Variants in CCDC60 observed in about 807,000 individuals in gnomAD.
The protein encoded by CCDC60 is coiled-coil domain-containing protein 60.
In CCDC60, 54 loss-of-function variants were observed where a neutral mutation model predicts 63.5. The observed-to-expected ratio is 0.85, with a 90% CI of 0.68 to 1.07. The LOEUF is 1.07. Ranked by LOEUF, CCDC60 falls within the 50% of genes least tolerant of loss-of-function variation. The pLI is 0.00. For missense variants in CCDC60, 651 were observed against 684.3 expected, an observed-to-expected ratio of 0.95 and a Z score of 0.54; for synonymous variants, 206 against 238.8, an observed-to-expected ratio of 0.86 and a Z score of 1.27.
intron 1 of CCDC60, among the ~76,000 whole-genome samples, chr12:119,409,508 C>T (rs1302159539): frequency 6.6e-6 from 1 of 152,112 alleles, no homozygotes; most frequent in African/African-American, 2.4e-5. Flanking sequence ...AGCTACTAGG[C>T]AGCAGCAAGA....
chr12:119,420,648 A>G lies in CCDC60; in HGVS notation c.91-8035A>G, dbSNP rs576323548. 6.6e-6 allele frequency among the ~76,000 whole-genome samples: 1 copy of G among 152,188 alleles called. No homozygotes were observed. Among genetic ancestry groups the G allele is most frequent in the African/African-American group, 2.4e-5 (1 of 41,434 alleles). On this transcript the variant is annotated intron_variant, in intron 1 of 13. Transcript: ENST00000327554. The surrounding 1 kb of genome is among the most constrained non-coding windows in gnomAD (Gnocchi z 4.1). ...ATAGAAAGAATGAATAAGACCTGCT[A>G]TTTGATAGCACAACAGGTTGACTAT... is the stretch of plus-strand genomic sequence containing the variant.
chr12:119,498,164 T>C lies in CCDC60; in HGVS notation c.558-1914T>C, dbSNP rs80032416. 3.9e-4 allele frequency among the ~76,000 whole-genome samples: 59 copies of C among 152,198 alleles called. No homozygotes were observed. In the East Asian group the frequency reaches 0.011, roughly 29 times the overall value. ...AAAGCCTTTGATTCTGCTACTCAGA[T>C]CTCCATGCCATGAGAAGTCAGCCTT... is the stretch of plus-strand genomic sequence containing the variant. On this transcript the variant is annotated intron_variant, in intron 5 of 13. Coordinates refer to ENST00000327554, the MANE Select transcript of CCDC60 (RefSeq NM_178499.5).
chr12:119,470,286 G>A (rs1242227643), intron 2 of CCDC60, among the ~76,000 whole-genome samples: 1 of 152,168 alleles, frequency 6.6e-6, no homozygotes, highest in Admixed American at 6.5e-5. Flanking sequence ...GAGAGTATCT[G>A]TTTGTGGGTG....
chr12:119,402,438 T>C (rs930020323), intron 1 of CCDC60: 28 of 152,200 alleles, frequency 1.8e-4, no homozygotes, highest in Non-Finnish European at 4.4e-5. Flanking sequence ...CATCTGTTGG[T>C]GAAGCAGAGA....
chr12:119,481,663 T>A (rs931197376), intron 4 of CCDC60, among the ~76,000 whole-genome samples: 5 of 152,034 alleles, frequency 3.3e-5, no homozygotes, highest in African/African-American at 1.2e-4. Flanking sequence ...TTACATCATT[T>A]CTTTAGTGGT....
chr12:119,483,626 T>C (rs1219049026), intron 4 of CCDC60, among the ~76,000 whole-genome samples: 4 of 152,200 alleles, frequency 2.6e-5, no homozygotes, highest in African/African-American at 9.6e-5. Context: ...CCAATTTCTC[T>C]TGTAAAAGAA....
chr12:119,446,033 A>G (rs1045472390), intron 2 of CCDC60, among the ~76,000 whole-genome samples: 3 of 152,194 alleles, frequency 2.0e-5, no homozygotes, highest in African/African-American at 7.2e-5. Flanking sequence ...GAACTTACTC[A>G]TGTAACCAAA....
At chr12:119,413,139 C>G (rs907975517) in intron 1 of CCDC60, among the ~76,000 whole-genome samples, 1 of 152,182 alleles carries the variant, frequency 6.6e-6, no homozygotes, top group Non-Finnish European at 1.5e-5. Flanking sequence ...GCTGGCCCCT[C>G]ATACCTAGTC....
chr12:119,381,996 T>C (rs899763202), intron 1 of CCDC60, among the ~76,000 whole-genome samples: 1 of 152,198 alleles, frequency 6.6e-6, no homozygotes, highest in African/African-American at 2.4e-5. Flanking sequence ...TGACACCTTC[T>C]CATGACCTTC....
At chr12:119,341,120 C>G (rs1245667228) in intron 1 of CCDC60, among the ~76,000 whole-genome samples, 1 of 152,146 alleles carries the variant, frequency 6.6e-6, no homozygotes, top group African/African-American at 2.4e-5. Context: ...GTTTTGTTAT[C>G]TTTATGGCCT....
At chr12:119,483,450 C>T (rs1341505478) in intron 4 of CCDC60, among the ~76,000 whole-genome samples, 1 of 152,166 alleles carries the variant, frequency 6.6e-6, no homozygotes, top group Non-Finnish European at 1.5e-5. Flanking sequence ...AGGGAGTGGT[C>T]TCTAGGAATG....
Position 119,530,898 on chromosome 12 carries a change from G to T in CCDC60, c.1386G>T (p.Leu462=). ...DHWYFDLLSK[L]PEDLKNFRPA... ...GGTACTTTGATCTGTTGTCCAAACT[G>T]CCAGAGGATCTAAAGAACTTCCGCC... The change falls in exon 13 of 14, where the codon CTG becomes CTT. Residue 462 remains leucine, a synonymous_variant. Coordinates refer to ENST00000327554, the MANE Select transcript of CCDC60 (RefSeq NM_178499.5). The T allele has an allele frequency of 6.2e-7, 1 of 1,614,022 alleles. No homozygotes were observed. The highest frequency in any genetic ancestry group is 1.3e-5 in the African/African-American group (1 of 75,024).
chr12:119,523,016 C>T lies in CCDC60; in HGVS notation c.1103+15C>T. On this transcript the variant is annotated intron_variant, in intron 10 of 13. Coordinates refer to ENST00000327554, the MANE Select transcript of CCDC60 (RefSeq NM_178499.5). ...AAGTCTAAAAAGTAAGCCAGGAGGG[C>T]AATGGAAGGAACCACGCAAGAGGGA... 1 of 1,612,566 alleles carries T rather than the reference C, an allele frequency of 6.2e-7. No individual in the cohort carries two copies. The highest frequency in any genetic ancestry group is 8.5e-7 in the Non-Finnish European group (1 of 1,178,580).
At chr12:119,393,306 T>C (rs1311751932) in intron 1 of CCDC60, among the ~76,000 whole-genome samples, 1 of 152,210 alleles carries the variant, frequency 6.6e-6, no homozygotes, top group African/African-American at 2.4e-5. Context: ...GCAGGAAATA[T>C]GGTTTAAGTT....
rs1389842282 is a variant in CCDC60 at position 119,335,224 on chromosome 12, G to C, written c.48G>C (p.Ser16=). ...AGAAGCTTCAGAGTTCCCCCAACTC[G>C]GGGGCTGTCCGGCCCTTTTATGCCT... ...ATKKLQSSPN[S]GAVRPFYASE... Residue 16 remains serine (S), a synonymous_variant, in exon 1 of 14, where the codon TCG becomes TCC. Coordinates refer to ENST00000327554, the MANE Select transcript of CCDC60 (RefSeq NM_178499.5). 3 of 1,605,096 alleles carry C rather than the reference G, an allele frequency of 1.9e-6. No homozygotes were observed. Among genetic ancestry groups the C allele is most frequent in the Non-Finnish European group, 2.6e-6 (3 of 1,176,232 alleles).
At chr12:119,377,100 C>G (rs966972306) in intron 1 of CCDC60, among the ~76,000 whole-genome samples, 4 of 151,634 alleles carry the variant, frequency 2.6e-5, no homozygotes, top group African/African-American at 9.7e-5. Flanking sequence ...ACTAAAAATA[C>G]AAAAATTAGC....
At chr12:119,414,145 A>G (rs781603803) in intron 1 of CCDC60, among the ~76,000 whole-genome samples, 2 of 151,882 alleles carry the variant, frequency 1.3e-5, no homozygotes, top group Non-Finnish European at 2.9e-5. Context: ...CAGCCTCCCA[A>G]GTAGCTGGGA....
intron 4 of CCDC60, among the ~76,000 whole-genome samples, chr12:119,481,992 A>G (rs1285584355): frequency 8.8e-6 from 1 of 114,148 alleles, no homozygotes; most frequent in African/African-American, 3.1e-5. Flanking sequence ...ATATGTATAT[A>G]TATATGTATA....
intron 2 of CCDC60, among the ~76,000 whole-genome samples, chr12:119,452,503 C>T (rs557458898): frequency 3.2e-4 from 48 of 152,328 alleles, no homozygotes; most frequent in African/African-American, 1.1e-3. Context: ...GATCAAATCA[C>T]TGAACCTCTT....
Sources: gnomAD v4.1 joint callset for allele counts (sites outside exome capture counted in the v4.1 genomes callset) on GRCh38, gnomAD v4.1.1 for gene constraint, Gnocchi (gnomAD v3.1) non-coding constraint, MANE v1.5 for transcripts, NCBI Gene and HGNC (gene_info 2026-07-23, HGNC 2026-07-21) for gene names.